The following PTPRG variants were observed in gnomAD, a reference collection of about 807,000 sequenced individuals.
PTPRG encodes protein tyrosine phosphatase receptor type G.
PTPRG carries 102 observed loss-of-function variants against 165.3 expected under a neutral mutation model. The observed-to-expected ratio is 0.62, with a 90% CI of 0.53 to 0.73. The LOEUF is 0.73. Among genes scored for constraint, PTPRG ranks in the 30% least tolerant of loss-of-function variants. The pLI, the probability that PTPRG is intolerant of heterozygous loss-of-function variation, is 0.00. For missense variants in PTPRG, 1,866 were observed against 1,861.4 expected (o/e 1.00, Z -0.05); for synonymous variants, 675 against 669.5 (o/e 1.01, Z -0.13).
At chr3:62,154,398 T>A (rs1422349141) in intron 6 of PTPRG, among the ~76,000 whole-genome samples, 5 of 152,180 alleles carry the variant, frequency 3.3e-5, no homozygotes, top group Middle Eastern at 3.2e-3. Flanking sequence ...AACCAGAGCT[T>A]GCCTCTGAAG....
At chr3:61,614,541 T>C (rs1701255770) in intron 1 of PTPRG, among the ~76,000 whole-genome samples, 1 of 148,730 alleles carries the variant, frequency 6.7e-6, no homozygotes, top group South Asian at 2.2e-4. Flanking sequence ...TCCCAAGTAG[T>C]TGGGACCACA....
Position 62,248,034 on chromosome 3 carries a change from CT to C in PTPRG, c.2467+4137del, listed in dbSNP as rs529437031. Among the ~76,000 whole-genome samples, 48 of 151,054 alleles carry C rather than the reference CT, an allele frequency of 3.2e-4. 1 individual carries two copies. In the South Asian group the frequency reaches 7.7e-3, roughly 24 times the overall value. ...AAGAACGAAGACTTTTTTTTTTCCC[CT>C]GGTCTCACCTAACACTTATGCAAAA... is the stretch of plus-strand genomic sequence containing the variant. On this transcript the variant is annotated intron_variant, in intron 15 of 29. Coordinates refer to ENST00000474889, the MANE Select transcript of PTPRG (RefSeq NM_002841.4).
At chr3:62,272,906 TA>T in intron 21 of PTPRG, 39 bp from the exon 22 acceptor site, 1 of 1,529,648 alleles carries the variant, frequency 6.5e-7, no homozygotes, top group African/African-American at 1.4e-5. Context: ...AACAGTATGA[TA>T]AAACAAAAGT....
intron 1 of PTPRG, among the ~76,000 whole-genome samples, chr3:61,573,202 G>A (rs939502342): frequency 2.0e-5 from 3 of 152,078 alleles, no homozygotes; most frequent in Admixed American, 6.5e-5. Flanking sequence ...TTAAGAGCTG[G>A]TTCTCTTGAT....
intron 1 of PTPRG, among the ~76,000 whole-genome samples, chr3:61,657,985 A>G (rs1321439338): frequency 6.6e-6 from 1 of 152,088 alleles, no homozygotes; most frequent in Non-Finnish European, 1.5e-5. Context: ...GACAGTGGTT[A>G]TGGTGCTTCC....
chr3:62,073,396 T>G (rs987091949), intron 4 of PTPRG, among the ~76,000 whole-genome samples: 22 of 152,204 alleles, frequency 1.4e-4, no homozygotes, highest in Non-Finnish European at 5.9e-5. Flanking sequence ...AGATAGCACC[T>G]TAGCCACATG....
chr3:62,283,246 T>G (rs922395112), intron 28 of PTPRG, among the ~76,000 whole-genome samples: 12 of 152,096 alleles, frequency 7.9e-5, no homozygotes, highest in Non-Finnish European at 1.6e-4. Flanking sequence ...CAAACACTTG[T>G]TAGGGAAATA....
At chr3:61,696,742 C>T (rs1436258579) in intron 1 of PTPRG, among the ~76,000 whole-genome samples, 3 of 152,176 alleles carry the variant, frequency 2.0e-5, no homozygotes, top group Non-Finnish European at 2.9e-5. Flanking sequence ...GGAGAAATCC[C>T]TTTTCTGGCT....
Position 61,917,319 on chromosome 3 carries a change from A to G in PTPRG, c.191-72306A>G, listed in dbSNP as rs115499591. ...CACTTAAATTGGCTCATTGCAGACA[A>G]TCCAATTAGAATAAAGTCTATTATC... On this transcript the variant is annotated intron_variant, in intron 2 of 29. Coordinates refer to ENST00000474889, the MANE Select transcript of PTPRG (RefSeq NM_002841.4). Among the ~76,000 whole-genome samples, 893 of 152,304 alleles carry G rather than the reference A, an allele frequency of 5.9e-3. 6 individuals are homozygous for G. Among genetic ancestry groups the G allele is most frequent in the African/African-American group, 0.02 (817 of 41,550 alleles).
chr3:62,056,883 C>T (rs1052171688), intron 4 of PTPRG, among the ~76,000 whole-genome samples: 2 of 152,144 alleles, frequency 1.3e-5, no homozygotes, highest in Non-Finnish European at 2.9e-5. Flanking sequence ...GTTGAACTTC[C>T]CTTGAGGCTC....
chr3:61,956,825 G>C (rs564469504), intron 2 of PTPRG, among the ~76,000 whole-genome samples: 37 of 152,202 alleles, frequency 2.4e-4, no homozygotes, highest in African/African-American at 8.2e-4. Flanking sequence ...TTAGTTATTG[G>C]CTCTTTAGCT....
At chr3:61,581,961 G>GTTATAT (rs1334996713) in intron 1 of PTPRG, among the ~76,000 whole-genome samples, 1 of 151,100 alleles carries the variant, frequency 6.6e-6, no homozygotes, top group African/African-American at 2.4e-5. Context: ...ATTTTGTTTT[G>GTTATAT]TTTTATTTTT....
intron 1 of PTPRG, among the ~76,000 whole-genome samples, chr3:61,595,206 A>G (rs1424597221): frequency 6.8e-6 from 1 of 147,604 alleles, no homozygotes; most frequent in Non-Finnish European, 1.5e-5. Context: ...TTTCCTTTGT[A>G]CTCTGAATGT....
chr3:61,945,560 C>CAAAAAAAAAAAAAAAAAA (rs71123242), intron 2 of PTPRG, among the ~76,000 whole-genome samples: 5 of 55,462 alleles, frequency 9.0e-5, no homozygotes, highest in African/African-American at 2.1e-4. Flanking sequence ...ACTCCGTCAC[C>CAAAAAAAAAAAAAAAAAA]AAAAAAAAAA....
Position 62,245,573 on chromosome 3 carries a change from T to C in PTPRG, c.2467+1675T>C, listed in dbSNP as rs1701270932. ...GGAATCAGAAAACCTAGGTCCACCC[T>C]GAAATCTTTGTTCAGTGCCTTCACC... On this transcript the variant is annotated intron_variant, in intron 15 of 29. Coordinates refer to ENST00000474889, the MANE Select transcript of PTPRG (RefSeq NM_002841.4). This position sits in a 1 kb window ranked among gnomAD's most constrained non-coding sequence, Gnocchi z 4.2. Among the ~76,000 whole-genome samples the C allele has an allele frequency of 6.6e-6, 1 of 152,152 alleles. No homozygotes were observed. Among genetic ancestry groups the C allele is most frequent in the South Asian group, 2.1e-4 (1 of 4,824 alleles).
intron 2 of PTPRG, among the ~76,000 whole-genome samples, chr3:61,893,131 A>T (rs2038262723): frequency 6.6e-6 from 1 of 152,182 alleles, no homozygotes; most frequent in African/African-American, 2.4e-5. Flanking sequence ...GCCATGTGTG[A>T]TAGTGGAGGA....
intron 4 of PTPRG, among the ~76,000 whole-genome samples, chr3:62,044,900 T>G (rs1428805962): frequency 6.6e-6 from 1 of 152,168 alleles, no homozygotes; most frequent in African/African-American, 2.4e-5. Context: ...TCCTGGAAAC[T>G]TGGGAGCATT....
chr3:62,249,296 A>G (rs1159363029), intron 15 of PTPRG, among the ~76,000 whole-genome samples: 1 of 152,148 alleles, frequency 6.6e-6, no homozygotes, highest in Non-Finnish European at 1.5e-5. Flanking sequence ...TGAGAGACTG[A>G]GAGGGCAGAC....
intron 4 of PTPRG, among the ~76,000 whole-genome samples, chr3:62,053,104 A>G (rs1559768939): frequency 1.3e-5 from 2 of 149,828 alleles, no homozygotes; most frequent in African/African-American, 4.9e-5. Context: ...TCTGGCTTTG[A>G]TTTTTTTTTT....
Sources: gnomAD v4.1 joint callset for allele counts (sites outside exome capture counted in the v4.1 genomes callset) on GRCh38, gnomAD v4.1.1 for gene constraint, Gnocchi (gnomAD v3.1) non-coding constraint, MANE v1.5 for transcripts, NCBI Gene and HGNC (gene_info 2026-07-23, HGNC 2026-07-21) for gene names.